The following SRRM3 variants were observed in gnomAD, a reference collection of about 807,000 sequenced individuals.
SRRM3 encodes serine/arginine repetitive matrix 3.
SRRM3 carries 27 observed loss-of-function variants against 66.2 expected under a neutral mutation model. The ratio of observed to expected loss-of-function variants is 0.41; its 90% confidence interval spans 0.30 to 0.56. SRRM3 has a LOEUF of 0.56. Ranked by LOEUF, SRRM3 falls within the 20% of genes least tolerant of loss-of-function variation. The probability of loss-of-function intolerance (pLI) is 0.32; values close to 1 mark genes in which losing one functional copy is unlikely to be tolerated. For missense variants in SRRM3, 918 were observed against 991.9 expected, an observed-to-expected ratio of 0.93 and a Z score of 1.00; for synonymous variants, 391 against 414.9, an observed-to-expected ratio of 0.94 and a Z score of 0.70.
At chr7:76,257,584 CAT>C (rs1801745129) in intron 3 of SRRM3, among the ~76,000 whole-genome samples, 1 of 151,522 alleles carries the variant, frequency 6.6e-6, no homozygotes, top group Admixed American at 6.6e-5. Context: ...GCCTGGGCAA[CAT>C]AGTGAGACCC....
chr7:76,232,126 G>T (rs1316430463), intron 1 of SRRM3, among the ~76,000 whole-genome samples: 1 of 152,166 alleles, frequency 6.6e-6, no homozygotes, highest in Non-Finnish European at 1.5e-5. Context: ...AGCCCCGGGC[G>T]CATTGAGCTT....
At chr7:76,254,384 T>C (rs1351457902) in intron 3 of SRRM3, among the ~76,000 whole-genome samples, 2 of 152,090 alleles carry the variant, frequency 1.3e-5, no homozygotes, top group Non-Finnish European at 2.9e-5. Flanking sequence ...AACGGCACGA[T>C]CTTGGCTCAC....
intron 3 of SRRM3, among the ~76,000 whole-genome samples, chr7:76,256,999 C>G (rs1469605999): frequency 6.6e-6 from 1 of 152,144 alleles, no homozygotes; most frequent in African/African-American, 2.4e-5. Flanking sequence ...CGTGAGCCAC[C>G]CGCCAGGCCC....
chr7:76,257,497 T>A (rs1045753709), intron 3 of SRRM3, among the ~76,000 whole-genome samples: 1 of 145,670 alleles, frequency 6.9e-6, no homozygotes, highest in African/African-American at 2.5e-5. Context: ...ACACCTATAA[T>A]CCTAGTACTT....
chr7:76,250,159 T>G (rs1801541012), intron 3 of SRRM3, among the ~76,000 whole-genome samples: 1 of 152,158 alleles, frequency 6.6e-6, no homozygotes, highest in South Asian at 2.1e-4. Context: ...TTCTCCTGCC[T>G]CAGCCTCCTG....
chr7:76,222,587 T>C (rs1800754257), intron 1 of SRRM3, among the ~76,000 whole-genome samples: 1 of 151,686 alleles, frequency 6.6e-6, no homozygotes, highest in African/African-American at 2.4e-5. Flanking sequence ...CTTAGTGGGC[T>C]CAGCAAGACA....
intron 8 of SRRM3, among the ~76,000 whole-genome samples, chr7:76,261,821 A>T (rs545647602): frequency 2.4e-4 from 37 of 152,026 alleles, no homozygotes; most frequent in African/African-American, 8.7e-4. Flanking sequence ...GAATTTCTAG[A>T]CAACATGGCA....
rs1554604726 is a variant in SRRM3 at position 76,235,284 on chromosome 7, T to C, written c.218T>C (p.Met73Thr). The change falls in exon 2 of 15, where the codon ATG becomes ACG. Residue 73 changes from methionine to threonine, a missense_variant. Coordinates refer to ENST00000611745, the MANE Select transcript of SRRM3 (RefSeq NM_001110199.3). The part of the protein sequence containing the change: ...VELKCMELQE[M>T]MEEQGYSEEE... ...CTCAAGTGCATGGAGCTGCAGGAGA[T>C]GATGGAGGAGCAGGGGTGAGCAGGC... 1.3e-6 allele frequency: 2 copies of C among 1,523,230 alleles called. No homozygotes were observed. Among genetic ancestry groups the C allele is most frequent in the Non-Finnish European group, 8.8e-7 (1 of 1,141,830 alleles). The allele number at this position is 1,523,230 out of a possible 1,614,324, so 94.4% of individuals were successfully genotyped here.
chr7:76,216,706 A>G (rs1800578909), intron 1 of SRRM3, among the ~76,000 whole-genome samples: 1 of 152,162 alleles, frequency 6.6e-6, no homozygotes, highest in South Asian at 2.1e-4. Context: ...TTGGTGACAG[A>G]GGTTTCTAGC....
At position 76,250,041 on chromosome 7, in the gene SRRM3, AT is replaced by A. The variant is rs200655046; in HGVS notation, c.335+1755del. Among the ~76,000 whole-genome samples the A allele has an allele frequency of 3.7e-3, 511 of 137,436 alleles. 10 individuals are homozygous for A. Among genetic ancestry groups the A allele is most frequent in the Admixed American group, 0.033 (451 of 13,552 alleles). 90.2% of individuals were successfully genotyped at this position (137,436 alleles called of 152,430 possible). A position where few individuals can be genotyped will look rare whatever the true frequency, so the allele number is the denominator to read the frequency against. The stretch of plus-strand genomic sequence containing the variant: ...ATCATCTTTATTTATTTATTTATTT[AT>A]TTATTTTTATTTATTTTTTGACACA... On this transcript the variant is annotated intron_variant, in intron 3 of 14. Coordinates refer to ENST00000611745, the MANE Select transcript of SRRM3 (RefSeq NM_001110199.3).
In SRRM3 at chr7:76,248,220, G is replaced by A. The variant is rs782468526; in HGVS notation, c.266G>A (p.Gly89Glu). Residue 89 changes from glycine (G) to glutamate (E), a missense_variant, in exon 3 of 15, where the codon GGG (glycine) becomes GAG (glutamate). By Grantham distance (98) the Gly-to-Glu change is moderately conservative. Transcript: ENST00000611745. ...GAGGAGGAGATTCGGCAGAAAGTGG[G>A]GACATTCCGGCAGATGCTGATGGAG... ...YSEEEIRQKV[G>E]TFRQMLMEKE... 6.2e-7 allele frequency: 1 copy of A among 1,613,860 alleles called. No individual in the cohort carries two copies. The highest frequency in any genetic ancestry group is 8.5e-7 in the Non-Finnish European group (1 of 1,179,840).
chr7:76,286,150 CACCAGGCTTGGG>C lies in SRRM3; in HGVS notation c.*310_*321del. On this transcript the variant is annotated 3_prime_UTR_variant, in exon 15 of 15. Transcript: ENST00000611745. The stretch of plus-strand genomic sequence containing the variant: ...ATCCCCCTTCCTGCTGATGCCAACT[CACCAGGCTTGGG>C]ACTGCTGCCGGTGGATGGTACCAGA... 1 of 478,538 alleles carries C rather than the reference CACCAGGCTTGGG, an allele frequency of 2.1e-6. No individual in the cohort carries two copies. The highest frequency in any genetic ancestry group is 2.9e-5 in the South Asian group (1 of 34,240). The allele number at this position is 478,538 out of a possible 1,614,324, so 29.6% of individuals were successfully genotyped here.
rs35985626 is a variant in SRRM3 at position 76,275,497 on chromosome 7, CAAAA to C, written c.1009-5927_1009-5924del. Among the ~76,000 whole-genome samples, 70 of 70,908 alleles carry C rather than the reference CAAAA, an allele frequency of 9.9e-4. No homozygotes were observed. The East Asian group carries it at 0.02, about 20-fold the overall frequency. 46.5% of individuals were successfully genotyped at this position (70,908 alleles called of 152,430 possible). A position where few individuals can be genotyped will look rare whatever the true frequency, so the allele number is the denominator to read the frequency against. On this transcript the variant is annotated intron_variant, in intron 11 of 14. Coordinates refer to ENST00000611745, the MANE Select transcript of SRRM3 (RefSeq NM_001110199.3). The stretch of plus-strand genomic sequence containing the variant: ...GAGCGAGACTCAGTCCCTGCTCCCT[CAAAA>C]AAAAAAAAAAAAAAAAGAAAAGAAA...
intron 11 of SRRM3, among the ~76,000 whole-genome samples, chr7:76,276,955 G>A (rs1294012504): frequency 1.3e-5 from 2 of 152,154 alleles, no homozygotes; most frequent in African/African-American, 2.4e-5. Flanking sequence ...CAAAGACTCC[G>A]CTTATCCTCA....
Position 76,245,854 on chromosome 7 carries a change from C to T in SRRM3, c.234-2334C>T, listed in dbSNP as rs149648367. Among the ~76,000 whole-genome samples, 198 of 152,282 alleles carry T rather than the reference C, an allele frequency of 1.3e-3. 9 individuals carry two copies. The South Asian group carries it at 0.037, about 28-fold the overall frequency. The stretch of plus-strand genomic sequence containing the variant: ...GGGATTACAGGTGTGCACCACCACA[C>T]TCAGCTAATTTTTTTATATTTTTGG... On this transcript the variant is annotated intron_variant, in intron 2 of 14. Transcript: ENST00000611745.
At position 76,281,735 on chromosome 7, in the gene SRRM3, G is replaced by T; in HGVS notation, c.1303G>T (p.Gly435Cys). The T allele has an allele frequency of 7.6e-7, 1 of 1,316,484 alleles. No individual in the cohort carries two copies. Among genetic ancestry groups the T allele is most frequent in the Non-Finnish European group, 9.7e-7 (1 of 1,030,260 alleles). The allele number at this position is 1,316,484 out of a possible 1,614,324, so 81.6% of individuals were successfully genotyped here. A position where few individuals can be genotyped will look rare whatever the true frequency, so the allele number is the denominator to read the frequency against. The change falls in exon 12 of 15, where the codon GGC becomes TGC. Residue 435 changes from glycine (G) to cysteine (C), a missense_variant. By Grantham distance (159) the Gly-to-Cys change is radical (BLOSUM62 -3). Coordinates refer to ENST00000611745, the MANE Select transcript of SRRM3 (RefSeq NM_001110199.3). ...CCGCTCCAGCAGCGACTCCGGCAGC[G>T]GCCGCGGCGCCCCCGGCCCCGGGCC... ...RARSSSDSGSGRGAPGPGPEP... is the reference protein window; with the variant it reads ...RARSSSDSGSCRGAPGPGPEP...
chr7:76,240,372 G>A (rs949409157), intron 2 of SRRM3, among the ~76,000 whole-genome samples: 3 of 152,042 alleles, frequency 2.0e-5, no homozygotes, highest in African/African-American at 4.8e-5. Flanking sequence ...TGTAATCCCA[G>A]CACTTTGGGA....
intron 11 of SRRM3, among the ~76,000 whole-genome samples, chr7:76,276,585 T>C (rs1308754414): frequency 6.6e-6 from 1 of 152,080 alleles, no homozygotes; most frequent in African/African-American, 2.4e-5. Context: ...AGGGGATCCC[T>C]GCAAGAGGCA....
At chr7:76,206,948 CA>C (rs1273758808) in intron 1 of SRRM3, among the ~76,000 whole-genome samples, 1 of 152,320 alleles carries the variant, frequency 6.6e-6, no homozygotes, top group East Asian at 1.9e-4. Context: ...CCCATTTACT[CA>C]GACCCCAGGG....
Sources: allele counts gnomAD v4.1 joint callset (sites outside exome capture counted in the v4.1 genomes callset), GRCh38; gene constraint gnomAD v4.1.1; transcripts MANE v1.5; gene names NCBI Gene and HGNC (gene_info 2026-07-23, HGNC 2026-07-21).